BMPR1B: variants seen among roughly 807,000 people sequenced by gnomAD.
BMPR1B encodes the protein bone morphogenetic protein receptor type 1B.
A neutral mutation model predicts 59.1 loss-of-function variants in BMPR1B; 12 were observed. The ratio of observed to expected loss-of-function variants is 0.20; its 90% CI spans 0.13 to 0.33. The LOEUF is 0.33. BMPR1B is among the 10% of genes least tolerant of loss of function. The pLI, the probability that BMPR1B is intolerant of heterozygous loss-of-function variation, is 1.00. For missense variants in BMPR1B, 550 were observed against 610.9 expected (o/e 0.90, Z 1.05); for synonymous variants, 237 against 207.3 (o/e 1.14, Z -1.23).
intron 1 of BMPR1B, among the ~76,000 whole-genome samples, chr4:94,826,761 A>G (rs934155278): frequency 6.6e-6 from 1 of 152,196 alleles, no homozygotes; most frequent in Non-Finnish European, 1.5e-5. Flanking sequence ...AGGTAAATAT[A>G]TGCTTATAAT....
intron 2 of BMPR1B, among the ~76,000 whole-genome samples, chr4:94,968,318 G>C (rs1024815739): frequency 6.6e-6 from 1 of 150,676 alleles, no homozygotes; most frequent in African/African-American, 2.5e-5. Context: ...ACATTGCTCA[G>C]CTCTGGGATG....
At chr4:95,136,671 C>A (rs1394376107) in intron 10 of BMPR1B, among the ~76,000 whole-genome samples, 1 of 152,116 alleles carries the variant, frequency 6.6e-6, no homozygotes, top group East Asian at 1.9e-4. Flanking sequence ...TTATCCATTT[C>A]TTCTATTTTC....
chr4:95,033,438 C>T (rs189975917), intron 3 of BMPR1B, among the ~76,000 whole-genome samples: 39 of 152,000 alleles, frequency 2.6e-4, no homozygotes, highest in African/African-American at 9.2e-4. Context: ...ATGTTTAGGT[C>T]TTTAATCCAC....
intron 2 of BMPR1B, among the ~76,000 whole-genome samples, chr4:94,897,941 C>CTTTTT (rs869186341): frequency 1.8e-4 from 16 of 90,318 alleles, no homozygotes; most frequent in South Asian, 3.9e-4. Flanking sequence ...AATTCTTTTC[C>CTTTTT]TTTTTTTTTT....
At chr4:94,802,903 C>A (rs1723463707) in intron 1 of BMPR1B, among the ~76,000 whole-genome samples, 1 of 152,118 alleles carries the variant, frequency 6.6e-6, no homozygotes, top group Non-Finnish European at 1.5e-5. Flanking sequence ...TGTAGCTCTT[C>A]TCCAAGATGG....
At chr4:94,994,111 A>G (rs1721914215) in intron 2 of BMPR1B, among the ~76,000 whole-genome samples, 1 of 152,330 alleles carries the variant, frequency 6.6e-6, no homozygotes, top group Admixed American at 6.5e-5. Flanking sequence ...GTAAATGGTT[A>G]CATAATTTTT....
chr4:94,791,528 T>C (rs561947909), intron 1 of BMPR1B, among the ~76,000 whole-genome samples: 1 of 152,362 alleles, frequency 6.6e-6, no homozygotes, highest in East Asian at 1.9e-4. Context: ...AAAAATATTC[T>C]AATCACTTGC....
intron 2 of BMPR1B, among the ~76,000 whole-genome samples, chr4:94,990,815 G>C (rs1721698237): frequency 6.6e-6 from 1 of 152,032 alleles, no homozygotes; most frequent in Admixed American, 6.6e-5. Context: ...TTTAACATTA[G>C]GTATTGTTTG....
Position 94,770,182 on chromosome 4 carries a change from G to GTTTTTTTTTTTTTTTTTTT in BMPR1B, c.-183+12117_-183+12118insTTTTTTTTTTTTTTTTTTT, listed in dbSNP as rs1215939344. On this transcript the variant is annotated intron_variant, in intron 1 of 12. Transcript: ENST00000515059. ...TGTTTGAATTGTCCTTCGTTTCTGT[G>GTTTTTTTTTTTTTTTTTTT]TTTGTTTTTTTTTTTTTTTTTTGCG... Among the ~76,000 whole-genome samples the GTTTTTTTTTTTTTTTTTTT allele has an allele frequency of 7.5e-4, 30 of 39,992 alleles. 4 individuals are homozygous for GTTTTTTTTTTTTTTTTTTT. The highest frequency in any genetic ancestry group is 1.1e-3 in the Non-Finnish European group (22 of 20,542). The allele number at this position is 39,992 out of a possible 152,430, so 26.2% of individuals were successfully genotyped here.
At chr4:94,882,936 AG>A (rs1174688305) in intron 2 of BMPR1B, among the ~76,000 whole-genome samples, 1 of 151,716 alleles carries the variant, frequency 6.6e-6, no homozygotes, top group Non-Finnish European at 1.5e-5. Context: ...ATTATCAAAA[AG>A]GGTGACCTTT....
intron 2 of BMPR1B, among the ~76,000 whole-genome samples, chr4:94,927,273 C>T (rs1728927252): frequency 6.6e-6 from 1 of 152,112 alleles, no homozygotes; most frequent in Non-Finnish European, 1.5e-5. Context: ...TCATTAGGCT[C>T]CTCTAGATGA....
intron 1 of BMPR1B, among the ~76,000 whole-genome samples, chr4:94,856,704 C>T (rs1010648913): frequency 2.0e-5 from 3 of 152,104 alleles, no homozygotes; most frequent in Non-Finnish European, 1.5e-5. Context: ...AATGGGCAGG[C>T]CAAACTGTTT....
At chr4:95,067,330 A>G (rs1409939856) in intron 3 of BMPR1B, among the ~76,000 whole-genome samples, 1 of 152,208 alleles carries the variant, frequency 6.6e-6, no homozygotes, top group Non-Finnish European at 1.5e-5. Flanking sequence ...TGCATTTTAA[A>G]TGTTTTCATT....
rs79950958 is a variant in BMPR1B at position 94,814,555 on chromosome 4, T to C, written c.-183+56487T>C. 5.6e-3 allele frequency among the ~76,000 whole-genome samples: 847 copies of C among 152,324 alleles called. 5 individuals carry two copies. The highest frequency in any genetic ancestry group is 0.02 in the African/African-American group (815 of 41,576). ...CATTATTTACCATTCTTGTGCCTCA[T>C]TTTCCTTATTAGTTAACTAGAGATA... On this transcript the variant is annotated intron_variant, in intron 1 of 12. Transcript: ENST00000515059.
At chr4:95,062,375 A>C (rs192015891) in intron 3 of BMPR1B, among the ~76,000 whole-genome samples, 1 of 152,280 alleles carries the variant, frequency 6.6e-6, no homozygotes, top group Admixed American at 6.5e-5. Context: ...AACCACATTT[A>C]GACTTTCATA....
chr4:94,870,816 T>C (rs1726457100), intron 1 of BMPR1B, among the ~76,000 whole-genome samples: 1 of 152,118 alleles, frequency 6.6e-6, no homozygotes, highest in South Asian at 2.1e-4. Context: ...CAAAGAAGGG[T>C]ACCCTGCCTC....
chr4:94,987,215 C>A (rs998450072), intron 2 of BMPR1B, among the ~76,000 whole-genome samples: 3 of 140,374 alleles, frequency 2.1e-5, no homozygotes, highest in Non-Finnish European at 3.0e-5. Flanking sequence ...TAATATATAT[C>A]ATATTATATA....
At chr4:94,931,279 T>G (rs76437483) in intron 2 of BMPR1B, among the ~76,000 whole-genome samples, 1 of 152,150 alleles carries the variant, frequency 6.6e-6, no homozygotes. Context: ...ATTTTACTCA[T>G]AATAATAGAG....
At chr4:94,764,074 C>T (rs1265737345) in intron 1 of BMPR1B, among the ~76,000 whole-genome samples, 2 of 152,082 alleles carry the variant, frequency 1.3e-5, no homozygotes, top group African/African-American at 4.8e-5. Flanking sequence ...AGAGTTTCTT[C>T]TGTATCTGAA....
Sources: gnomAD v4.1 joint callset for allele counts (sites outside exome capture counted in the v4.1 genomes callset) on GRCh38, gnomAD v4.1.1 for gene constraint, MANE v1.5 for transcripts, NCBI Gene and HGNC (gene_info 2026-07-23, HGNC 2026-07-21) for gene names.